TNFRSF1A: variants seen among roughly 807,000 people sequenced by gnomAD.
TNFRSF1A encodes the protein TNF receptor superfamily member 1A, also known as tumor necrosis factor receptor superfamily member 1A.
TNFRSF1A carries 9 observed loss-of-function variants against 41.6 expected under a neutral mutation model. The ratio of observed to expected loss-of-function variants is 0.22; its 90% CI spans 0.13 to 0.38. The LOEUF (loss-of-function observed/expected upper bound fraction) is 0.38, where lower values mean the gene tolerates loss of function less well. Ranked by LOEUF, TNFRSF1A falls within the 10% of genes least tolerant of loss-of-function variation. The pLI is 1.00. For synonymous variants in TNFRSF1A, 254 were observed against 248.6 expected, an observed-to-expected ratio of 1.02 and a Z score of -0.21; for missense variants, 463 against 591.5, an observed-to-expected ratio of 0.78 and a Z score of 2.25.
chr12:6,333,022 C>A lies in TNFRSF1A; in HGVS notation c.551+47G>T. 6.4e-7 allele frequency: 1 copy of A among 1,574,360 alleles called. No individual in the cohort carries two copies. Among genetic ancestry groups the A allele is most frequent in the Non-Finnish European group, 8.7e-7 (1 of 1,144,650 alleles). On this transcript the variant is annotated intron_variant, in intron 5 of 9. Coordinates refer to ENST00000162749, the MANE Select transcript of TNFRSF1A (RefSeq NM_001065.4). The surrounding 1 kb of genome is among the most constrained non-coding windows in gnomAD (Gnocchi z 6.3). The stretch of plus-strand genomic sequence containing the variant: ...AATGGTTCCCACCAGTCACCCGTCC[C>A]AACCCATGCCACCATCCAGTGCCCA...
chr12:6,330,710 G>A lies in TNFRSF1A; in HGVS notation c.627C>T (p.Gly209=), dbSNP rs147231056. ...IENVKGTEDS[G]TTVLLPLVIF... is the part of the protein sequence containing the mutation. Reference sequence around the variant, plus strand: ...TGACCAGGGGCAACAGCACTGTGGTGCCTGCAGACAAAGCAGGTGTTGGTC... The same window carrying A: ...TGACCAGGGGCAACAGCACTGTGGTACCTGCAGACAAAGCAGGTGTTGGTC... The change falls in exon 7 of 10, where the codon GGC becomes GGT. Residue 209 remains glycine (G), a splice_region_variant and synonymous_variant. Transcript: ENST00000162749. 12 of 1,611,762 alleles carry A rather than the reference G, an allele frequency of 7.4e-6. No individual in the cohort carries two copies. Among genetic ancestry groups the A allele is most frequent in the Middle Eastern group, 1.6e-4 (1 of 6,080 alleles).
intron 5 of TNFRSF1A, 93 bp downstream of exon 5, chr12:6,332,976 C>T: frequency 8.5e-7 from 1 of 1,171,246 alleles, no homozygotes; most frequent in Admixed American, 1.7e-5. Context: ...TCTGGGGCAT[C>T]CTGGCATCTG....
At position 6,329,888 on chromosome 12, in the gene TNFRSF1A, G is replaced by A. The variant is rs1427913814; in HGVS notation, c.947C>T (p.Pro316Leu). 1.9e-6 allele frequency: 3 copies of A among 1,585,306 alleles called. No homozygotes were observed. The African/African-American group carries it at 4.0e-5, about 21-fold the overall frequency. ...NFAAPRREVA[P>L]PYQGADPILA... ...GATGGGGTCAGCCCCCTGATAGGGT[G>A]GTGCCACCTCTCTGCGGGGAGCCGC... The change falls in exon 9 of 10, where the codon CCA becomes CTA. Residue 316 changes from proline (P) to leucine (L), a missense_variant. This residue lies in a region of TNFRSF1A where 277 missense variants were observed against 288.8 expected (regional missense o/e 0.96). Coordinates refer to ENST00000162749, the MANE Select transcript of TNFRSF1A (RefSeq NM_001065.4).
chr12:6,333,239 G>T lies in TNFRSF1A; in HGVS notation c.473-92C>A. On this transcript the variant is annotated intron_variant, in intron 4 of 9. Coordinates refer to ENST00000162749, the MANE Select transcript of TNFRSF1A (RefSeq NM_001065.4). The surrounding 1 kb of genome is among the most constrained non-coding windows in gnomAD (Gnocchi z 6.3). ...AGTGACGAGGGACAGGGTGGGGGCGGCCAGAGAGGAGTTGGTTGTCAGACC... is the reference window on the plus strand; with the variant it reads ...AGTGACGAGGGACAGGGTGGGGGCGTCCAGAGAGGAGTTGGTTGTCAGACC... The T allele has an allele frequency of 6.5e-7, 1 of 1,548,002 alleles. No individual in the cohort carries two copies. The highest frequency in any genetic ancestry group is 8.9e-7 in the Non-Finnish European group (1 of 1,128,862).
intron 5 of TNFRSF1A, among the ~76,000 whole-genome samples, chr12:6,332,211 C>T (rs939204384): frequency 8.6e-5 from 13 of 151,530 alleles, no homozygotes; most frequent in African/African-American, 2.4e-4. Flanking sequence ...GAGGCTGAGG[C>T]GGAAGATCGC....
rs756455040 is a variant in TNFRSF1A at position 6,329,351 on chromosome 12, G to T, written c.1329C>A (p.Gly443=). Residue 443 remains glycine (G), a synonymous_variant, in exon 10 of 10, where the codon GGC becomes GGA. Coordinates refer to ENST00000162749, the MANE Select transcript of TNFRSF1A (RefSeq NM_001065.4). ...TGGGCGCGGGCGGGAGGGCGGCGGG[G>T]CCGCAAAGCGCCTCCTCGATGTCCT... ...CLEDIEEALC[G]PAALPPAPSL... 11 of 1,482,250 alleles carry T rather than the reference G, an allele frequency of 7.4e-6. No individual in the cohort carries two copies. The highest frequency in any genetic ancestry group is 8.9e-6 in the Non-Finnish European group (10 of 1,125,796). The allele number at this position is 1,482,250 out of a possible 1,614,324, so 91.8% of individuals were successfully genotyped here.
intron 1 of TNFRSF1A, among the ~76,000 whole-genome samples, chr12:6,336,097 G>A (rs1948116753): frequency 6.6e-6 from 1 of 152,196 alleles, no homozygotes; most frequent in African/African-American, 2.4e-5. Context: ...GAGCACCTAA[G>A]GTCACTGGTA....
At chr12:6,338,973 G>A in intron 1 of TNFRSF1A, among the ~76,000 whole-genome samples, 1 of 152,142 alleles carries the variant, frequency 6.6e-6, no homozygotes, top group East Asian at 1.9e-4. Flanking sequence ...GGCACAGAAT[G>A]TGCCCTAGGA....
Position 6,333,885 on chromosome 12 carries a change from G to A in TNFRSF1A, c.194-20C>T. 6.2e-7 allele frequency: 1 copy of A among 1,601,506 alleles called. No individual in the cohort carries two copies. The highest frequency in any genetic ancestry group is 1.1e-5 in the South Asian group (1 of 89,692). ...AGGTTCCTGTGAATGGGGCCGCAGA[G>A]TTAGGCTGCGGGTGAGAACACAAGG... On this transcript the variant is annotated intron_variant, in intron 2 of 9. Transcript: ENST00000162749. The surrounding 1 kb of genome is among the most constrained non-coding windows in gnomAD (Gnocchi z 6.3).
rs778863675 is a variant in TNFRSF1A, at chr12:6,329,520, C to T, written c.1160G>A (p.Arg387Gln). Residue 387 changes from arginine (R) to glutamine (Q), a missense_variant, in exon 10 of 10, where the codon CGG becomes CAG. By Grantham distance (43) the Arg-to-Gln change is conservative. Around this residue, in one of 4 missense-constraint regions of TNFRSF1A, gnomAD observed 277 missense variants for 288.8 expected, o/e 0.96. Coordinates refer to ENST00000162749, the MANE Select transcript of TNFRSF1A (RefSeq NM_001065.4). ...RLGLSDHEIDRLELQNGRCLR... is the reference protein window; with the variant it reads ...RLGLSDHEIDQLELQNGRCLR... ...GCAGCGCCCGTTCTGCAGCTCCAGC[C>T]GATCGATCTCGTGGTCGCTCAGCCC... 12 of 1,594,840 alleles carry T rather than the reference C, an allele frequency of 7.5e-6. No homozygotes were observed. The highest frequency in any genetic ancestry group is 1.0e-5 in the Non-Finnish European group (12 of 1,177,998).
At chr12:6,330,777 G>A in intron 6 of TNFRSF1A, 66 bp from the exon 7 acceptor site, 1 of 1,575,566 alleles carries the variant, frequency 6.3e-7, no homozygotes, top group Non-Finnish European at 8.7e-7. Context: ...AGATGGATGG[G>A]TGGGATGGAT....
At position 6,333,115 on chromosome 12, in the gene TNFRSF1A, G is replaced by A. The variant is rs200501751; in HGVS notation, c.505C>T (p.His169Tyr). 6.2e-7 allele frequency: 1 copy of A among 1,614,210 alleles called. No individual in the cohort carries two copies. The highest frequency in any genetic ancestry group is 8.5e-7 in the Non-Finnish European group (1 of 1,180,032). Residue 169 changes from histidine (H) to tyrosine (Y), a missense_variant, in exon 5 of 10, where the codon CAT (histidine) becomes TAT (tyrosine). By Grantham distance (83) the His-to-Tyr change is moderately conservative. Transcript: ENST00000162749. This position sits in a 1 kb window ranked among gnomAD's most constrained non-coding sequence, Gnocchi z 6.3. The part of the protein sequence containing the change: ...QEKQNTVCTC[H>Y]AGFFLRENEC... ...TTTTCTCTTAGAAAGAAACCTGCAT[G>A]GCAGGTGCACACGGTGTTCTGTTTC...
At chr12:6,330,219 A>G in intron 8 of TNFRSF1A, 48 bp downstream of exon 8, 6 of 1,613,934 alleles carry the variant, frequency 3.7e-6, no homozygotes, top group Non-Finnish European at 5.1e-6. Context: ...AGGCAATTAT[A>G]AGGAATGGTC....
Position 6,334,929 on chromosome 12 carries a change from T to C in TNFRSF1A, c.40-685A>G, listed in dbSNP as rs1204279935. On this transcript the variant is annotated intron_variant, in intron 1 of 9. Coordinates refer to ENST00000162749, the MANE Select transcript of TNFRSF1A (RefSeq NM_001065.4). This position sits in a 1 kb window ranked among gnomAD's most constrained non-coding sequence, Gnocchi z 5.1. The stretch of plus-strand genomic sequence containing the variant: ...GGCCCCTTCTTCCAACAAGCAGCCC[T>C]AAAGATTGGGGCGGTGTTTCTCCAT... Among the ~76,000 whole-genome samples, 2 of 152,346 alleles carry C rather than the reference T, an allele frequency of 1.3e-5. No homozygotes were observed. Among genetic ancestry groups the C allele is most frequent in the African/African-American group, 4.8e-5 (2 of 41,588 alleles).
rs202056182 is a variant in TNFRSF1A, at chr12:6,334,789, G to C, written c.40-545C>G. The stretch of plus-strand genomic sequence containing the variant: ...TGCTAGGATTACAGGCGTGAGCCCA[G>C]CCCTGTATTTTATCCTTACTGTGAA... On this transcript the variant is annotated intron_variant, in intron 1 of 9. Coordinates refer to ENST00000162749, the MANE Select transcript of TNFRSF1A (RefSeq NM_001065.4). The surrounding 1 kb of genome is among the most constrained non-coding windows in gnomAD (Gnocchi z 5.1). Among the ~76,000 whole-genome samples the C allele has an allele frequency of 6.6e-6, 1 of 152,136 alleles. No homozygotes were observed. Among genetic ancestry groups the C allele is most frequent in the African/African-American group, 2.4e-5 (1 of 41,430 alleles).
In TNFRSF1A at chr12:6,330,890, T is replaced by C. The variant is rs1390964673; in HGVS notation, c.588A>G (p.Leu196=). 2 of 1,613,638 alleles carry C rather than the reference T, an allele frequency of 1.2e-6. No homozygotes were observed. Among genetic ancestry groups the C allele is most frequent in the African/African-American group, 2.7e-5 (2 of 75,004 alleles). The change falls in exon 6 of 10, where the codon CTA becomes CTG. Residue 196 remains leucine, a synonymous_variant. Coordinates refer to ENST00000162749, the MANE Select transcript of TNFRSF1A (RefSeq NM_001065.4). ...KKSLECTKLC[L]PQIENVKGTE... The stretch of plus-strand genomic sequence containing the variant: ...TGCCCTTAACATTCTCAATCTGGGG[T>C]AGGCACAACTTCGTGCACTCCAGGC...
intron 5 of TNFRSF1A, 83 bp downstream of exon 5, chr12:6,332,986 G>T: frequency 7.7e-7 from 1 of 1,300,038 alleles, no homozygotes; most frequent in Non-Finnish European, 1.1e-6. Flanking sequence ...CCTGGCATCT[G>T]TTGCCCAGCT....
At chr12:6,336,651 C>A (rs887639127) in intron 1 of TNFRSF1A, among the ~76,000 whole-genome samples, 8 of 152,202 alleles carry the variant, frequency 5.3e-5, no homozygotes, top group African/African-American at 1.9e-4. Flanking sequence ...CCCTGGCTTC[C>A]GCCCATCAGG....
At position 6,341,109 on chromosome 12, in the gene TNFRSF1A, C is replaced by T. The variant is rs1456414803; in HGVS notation, c.39+667G>A. ...CAGCAGGCAAAAGGGTAAAGAATGT[C>T]CCCAGGTGAGAGGCCGGGGCTTGGC... On this transcript the variant is annotated intron_variant, in intron 1 of 9. Transcript: ENST00000162749. This position sits in a 1 kb window ranked among gnomAD's most constrained non-coding sequence, Gnocchi z 4.6. 1.3e-5 allele frequency among the ~76,000 whole-genome samples: 2 copies of T among 152,052 alleles called. No individual in the cohort carries two copies. The highest frequency in any genetic ancestry group is 6.5e-5 in the Admixed American group (1 of 15,272).
Sources: gnomAD v4.1 joint callset for allele counts (sites outside exome capture counted in the v4.1 genomes callset) on GRCh38, gnomAD v4.1.1 for gene constraint, gnomAD v4.1.1 regional missense constraint, Gnocchi (gnomAD v3.1) non-coding constraint, MANE v1.5 for transcripts, NCBI Gene and HGNC (gene_info 2026-07-23, HGNC 2026-07-21) for gene names.